Variants in CHMP1A observed in about 807,000 individuals in gnomAD.
The protein encoded by CHMP1A is VPS46 homolog A.
Under a neutral mutation model 27.0 loss-of-function variants are expected in CHMP1A, and 17 were observed. That is an observed-to-expected ratio of 0.63 (90% CI 0.43 to 0.95). The LOEUF (loss-of-function observed/expected upper bound fraction) is 0.95. CHMP1A is among the 40% of genes least tolerant of loss of function. CHMP1A has a pLI of 0.00. For synonymous variants in CHMP1A, 131 were observed against 107.5 expected, an observed-to-expected ratio of 1.22 and a Z score of -1.35; for missense variants, 275 against 264.0, an observed-to-expected ratio of 1.04 and a Z score of -0.29.
intron 2 of CHMP1A, among the ~76,000 whole-genome samples, chr16:89,652,910 C>T (rs1011224655): frequency 6.6e-6 from 1 of 152,146 alleles, no homozygotes; most frequent in Non-Finnish European, 1.5e-5. Context: ...ACCTCCACCC[C>T]ACGTGGGAGG....
At chr16:89,651,141 G>A (rs1288466154) in intron 3 of CHMP1A, among the ~76,000 whole-genome samples, 3 of 152,124 alleles carry the variant, frequency 2.0e-5, no homozygotes, top group Non-Finnish European at 2.9e-5. Context: ...ACTTTTGGAG[G>A]CCAAGGCAGG....
intron 1 of CHMP1A, among the ~76,000 whole-genome samples, chr16:89,657,159 TGGTCGGG>T (rs1176989995): frequency 3.8e-5 from 2 of 52,624 alleles, no homozygotes; most frequent in African/African-American, 1.5e-4. Flanking sequence ...TCCCGGTCGG[TGGTCGGG>T]GGTCGAGGCC....
chr16:89,653,764 T>G (rs1009151621), intron 2 of CHMP1A, 140 bp downstream of exon 2: 4 of 844,998 alleles, frequency 4.7e-6, no homozygotes, highest in African/African-American at 3.4e-5. Context: ...CCCTCCTTGG[T>G]CAGCAGTCTG....
chr16:89,644,783 G>A lies in CHMP1A; in HGVS notation c.*1283C>T, dbSNP rs1008567917. Reference sequence around the variant, plus strand: ...CACGACACCACTGCAGCCTCAGCATGGGCTGCACGGGGTGGGCAGGACTGA... The same window carrying A: ...CACGACACCACTGCAGCCTCAGCATAGGCTGCACGGGGTGGGCAGGACTGA... On this transcript the variant is annotated 3_prime_UTR_variant, in exon 7 of 7. Transcript: ENST00000397901. 2.0e-5 allele frequency: 3 copies of A among 152,464 alleles called. No homozygotes were observed. The highest frequency in any genetic ancestry group is 4.4e-5 in the Non-Finnish European group (3 of 68,070). 9.4% of individuals were successfully genotyped at this position (152,464 alleles called of 1,614,324 possible).
intron 3 of CHMP1A, 36 bp downstream of exon 3, chr16:89,651,533 A>G (rs1335082798): frequency 1.3e-6 from 2 of 1,599,642 alleles, no homozygotes; most frequent in South Asian, 2.2e-5. Context: ...AAGACAAACC[A>G]GGAGAGTCAT....
intron 5 of CHMP1A, 147 bp downstream of exon 5, chr16:89,647,056 C>G: frequency 6.5e-7 from 1 of 1,532,026 alleles, no homozygotes; most frequent in Non-Finnish European, 8.7e-7. Flanking sequence ...CTGGCAGGGA[C>G]CCAGCACAGA....
intron 3 of CHMP1A, among the ~76,000 whole-genome samples, chr16:89,649,912 C>A (rs2059811292): frequency 1.3e-5 from 2 of 152,104 alleles, no homozygotes; most frequent in African/African-American, 4.8e-5. Context: ...GCGGGCCTCT[C>A]CCCAGAAATG....
chr16:89,646,145 C>T (rs899976926), intron 6 of CHMP1A, 58 bp from the exon 7 acceptor site: 17 of 1,466,626 alleles, frequency 1.2e-5, no homozygotes, highest in Admixed American at 4.5e-5. Flanking sequence ...CTGACCACCA[C>T]GTGCTCCCAG....
chr16:89,652,819 T>C (rs1419988777), intron 2 of CHMP1A, among the ~76,000 whole-genome samples: 1 of 151,910 alleles, frequency 6.6e-6, no homozygotes, highest in African/African-American at 2.4e-5. Context: ...CAAGGCAAGA[T>C]AAAGCTGGCC....
At chr16:89,652,215 C>G (rs1181284390) in intron 2 of CHMP1A, among the ~76,000 whole-genome samples, 1 of 151,996 alleles carries the variant, frequency 6.6e-6, no homozygotes, top group Non-Finnish European at 1.5e-5. Flanking sequence ...GACACAGGAC[C>G]TCTGGCAACC....
At chr16:89,647,407 G>C in intron 4 of CHMP1A, 76 bp from the exon 5 acceptor site, 1 of 1,429,992 alleles carries the variant, frequency 7.0e-7, no homozygotes, top group Non-Finnish European at 9.6e-7. Context: ...GGGTCCCCTG[G>C]ACTCTGACAG....
intron 1 of CHMP1A, among the ~76,000 whole-genome samples, chr16:89,655,435 C>CCCTCACCTCAGCTCTCCTCACCTCAGCTT (rs2059857578): frequency 7.1e-5 from 2 of 28,052 alleles, no homozygotes; most frequent in Non-Finnish European, 1.9e-4. Context: ...CACCTCAGCT[C>CCCTCACCTCAGCTCTCCTCACCTCAGCTT]TCCTCACCTC....
rs370480409 is a variant in CHMP1A at position 89,646,670 on chromosome 16, C to T, written c.426G>A (p.Pro142=). 55 of 1,610,490 alleles carry T rather than the reference C, an allele frequency of 3.4e-5. No homozygotes were observed. The highest frequency in any genetic ancestry group is 1.6e-4 in the Middle Eastern group (1 of 6,080). The change falls in exon 6 of 7, where the codon CCG becomes CCA. Residue 142 remains proline (P), a synonymous_variant. Transcript: ENST00000397901. ...TGATGAGGCTGTCCACCTGCTCCTGCGGCGTGGTCAGGGTGGTGGCCGAGC... is the reference window on the plus strand; with the variant it reads ...TGATGAGGCTGTCCACCTGCTCCTGTGGCGTGGTCAGGGTGGTGGCCGAGC... The part of the protein sequence containing the change: ...SMSSATTLTT[P]QEQVDSLIMQ...
chr16:89,649,286 C>A, intron 4 of CHMP1A, 65 bp downstream of exon 4: 1 of 1,581,420 alleles, frequency 6.3e-7, no homozygotes, highest in Non-Finnish European at 8.6e-7. Flanking sequence ...AGATCCAGAC[C>A]GCAGAGCCCA....
Position 89,649,353 on chromosome 16 carries a change from C to A in CHMP1A, c.250G>T (p.Gly84Trp), listed in dbSNP as rs200323717. The A allele has an allele frequency of 1.9e-6, 3 of 1,611,974 alleles. No homozygotes were observed. Among genetic ancestry groups the A allele is most frequent in the African/African-American group, 1.3e-5 (1 of 75,036 alleles). The part of the protein sequence containing the change: ...SKVQTAVTMK[G>W]VTKNMAQVTK... Reference sequence around the variant, plus strand: ...CAGCACCAGGGCCCAGCACTCACCCCCTTCATAGTCACAGCTGTCTGCACC... The same window carrying A: ...CAGCACCAGGGCCCAGCACTCACCCACTTCATAGTCACAGCTGTCTGCACC... The change falls in exon 4 of 7, where the codon GGG (glycine) becomes TGG (tryptophan). Residue 84 changes from glycine to tryptophan, a missense_variant and splice_region_variant. Coordinates refer to ENST00000397901, the MANE Select transcript of CHMP1A (RefSeq NM_002768.5).
intron 1 of CHMP1A, among the ~76,000 whole-genome samples, chr16:89,654,596 G>A (rs1381030489): frequency 1.3e-5 from 2 of 152,108 alleles, no homozygotes; most frequent in Admixed American, 6.6e-5. Flanking sequence ...TTGAGGTCAG[G>A]AGTTCCAGAC....
At chr16:89,653,658 T>G (rs891003736) in intron 2 of CHMP1A, among the ~76,000 whole-genome samples, 3 of 151,498 alleles carry the variant, frequency 2.0e-5, no homozygotes, top group African/African-American at 7.3e-5. Flanking sequence ...ATAACACTAT[T>G]TCTTTCATGG....
chr16:89,651,716 C>CCCACACCT, intron 2 of CHMP1A, 70 bp from the exon 3 acceptor site: 1 of 1,478,454 alleles, frequency 6.8e-7, no homozygotes, highest in Non-Finnish European at 9.3e-7. Context: ...TCTCCACACC[C>CCCACACCT]CCACACCTGT....
chr16:89,649,736 T>C (rs2059809463), intron 3 of CHMP1A: 4 of 471,970 alleles, frequency 8.5e-6, no homozygotes, highest in Non-Finnish European at 1.1e-5. Flanking sequence ...CCACCATGCC[T>C]GGCTAATTTT....
Sources: allele counts gnomAD v4.1 joint callset (sites outside exome capture counted in the v4.1 genomes callset), GRCh38; gene constraint gnomAD v4.1.1; transcripts MANE v1.5; gene names NCBI Gene and HGNC (gene_info 2026-07-23, HGNC 2026-07-21).